The following ZNF207 variants were observed in gnomAD, a reference collection of about 807,000 sequenced individuals.
ZNF207 encodes zinc finger protein 207.
ZNF207 carries 24 observed loss-of-function variants against 60.2 expected under a neutral mutation model. That is an observed-to-expected ratio of 0.40 (90% CI 0.29 to 0.56). The LOEUF (loss-of-function observed/expected upper bound fraction) is 0.56, where lower values mean the gene tolerates loss of function less well. ZNF207 is among the 20% of genes least tolerant of loss of function. The pLI, the probability that ZNF207 is intolerant of heterozygous loss-of-function variation, is 0.49. For missense variants in ZNF207, 452 were observed against 636.6 expected, an observed-to-expected ratio of 0.71 and a Z score of 3.12; for synonymous variants, 236 against 194.7, an observed-to-expected ratio of 1.21 and a Z score of -1.77.
chr17:32,369,155 C>T (rs562453346), intron 10 of ZNF207, 140 bp from the exon 11 acceptor site: 3 of 874,608 alleles, frequency 3.4e-6, no homozygotes, highest in Non-Finnish European at 5.1e-6. Flanking sequence ...ATTGGTTTGT[C>T]TGGCAAAAGT....
At position 32,375,263 on chromosome 17, in the gene ZNF207, A is replaced by G. The variant is rs1905637724; in HGVS notation, c.*5504A>G. 1 of 152,196 alleles carries G rather than the reference A, an allele frequency of 6.6e-6. No homozygotes were observed. The highest frequency in any genetic ancestry group is 2.4e-5 in the African/African-American group (1 of 41,464). 9.4% of individuals were successfully genotyped at this position (152,196 alleles called of 1,614,324 possible). A position where few individuals can be genotyped will look rare whatever the true frequency, so the allele number is the denominator to read the frequency against. ...TGTTGCTTCCATGACAAAATATCCC[A>G]TTGGACTATTTTATAACCTCAGTAA... On this transcript the variant is annotated 3_prime_UTR_variant, in exon 12 of 12. Transcript: ENST00000394670.
intron 2 of ZNF207, among the ~76,000 whole-genome samples, chr17:32,356,002 T>G (rs547924788): frequency 1.1e-4 from 16 of 152,304 alleles, no homozygotes; most frequent in Non-Finnish European, 2.1e-4. Flanking sequence ...GAGTGGAAGC[T>G]TCAAGGTTAG....
In ZNF207 at chr17:32,380,327, T is replaced by C. The variant is rs1324769572; in HGVS notation, c.*10568T>C. The C allele has an allele frequency of 6.6e-6, 1 of 151,228 alleles. No homozygotes were observed. Among genetic ancestry groups the C allele is most frequent in the Non-Finnish European group, 1.5e-5 (1 of 68,006 alleles). The allele number at this position is 151,228 out of a possible 1,614,324, so 9.4% of individuals were successfully genotyped here. ...CGACTTCATGTAGATGTGATTAACA[T>C]TTTTTACAAATTTGCCTGCATAAAG... On this transcript the variant is annotated 3_prime_UTR_variant, in exon 12 of 12. Transcript: ENST00000394670.
chr17:32,366,607 C>A, intron 8 of ZNF207, 58 bp from the exon 9 acceptor site: 2 of 1,450,922 alleles, frequency 1.4e-6, no homozygotes, highest in Non-Finnish European at 1.9e-6. Context: ...TACCACATGG[C>A]TTATTTTGAC....
Position 32,374,031 on chromosome 17 carries a change from G to C in ZNF207, c.*4272G>C, listed in dbSNP as rs1905576630. The C allele has an allele frequency of 6.6e-6, 1 of 151,884 alleles. No homozygotes were observed. Among genetic ancestry groups the C allele is most frequent in the Non-Finnish European group, 1.5e-5 (1 of 68,120 alleles). 9.4% of individuals were successfully genotyped at this position (151,884 alleles called of 1,614,324 possible). A position where few individuals can be genotyped will look rare whatever the true frequency, so the allele number is the denominator to read the frequency against. ...CCTGCCTCAGCCTCCCGAGTAGCTG[G>C]GATTATAGGCTCCCGCCACCACATC... On this transcript the variant is annotated 3_prime_UTR_variant, in exon 12 of 12. Transcript: ENST00000394670.
intron 2 of ZNF207, among the ~76,000 whole-genome samples, chr17:32,355,410 T>C (rs1904448887): frequency 2.0e-5 from 3 of 152,240 alleles, no homozygotes; most frequent in South Asian, 4.1e-4. Context: ...ATTTTGAGCA[T>C]ATGACGAGAT....
intron 7 of ZNF207, among the ~76,000 whole-genome samples, chr17:32,364,327 A>G (rs1422817642): frequency 6.6e-6 from 1 of 151,084 alleles, no homozygotes; most frequent in East Asian, 1.9e-4. Context: ...GGCCAGCAAG[A>G]TGTGCCACAC....
In ZNF207 at chr17:32,369,458, T is replaced by G. The variant is rs376940602; in HGVS notation, c.1324+4T>G. The stretch of plus-strand genomic sequence containing the variant: ...AGACCCCCAATGCCACCTCATGGTA[T>G]TCCTCTTTTTATGTTTTTCATATTT... On this transcript the variant is annotated splice_donor_region_variant and intron_variant, in intron 11 of 11. Transcript: ENST00000394670. The G allele has an allele frequency of 1.4e-5, 23 of 1,612,618 alleles. No homozygotes were observed. In the African/African-American group the frequency reaches 1.6e-4, roughly 11 times the overall value.
chr17:32,379,519 T>C lies in ZNF207; in HGVS notation c.*9760T>C, dbSNP rs1455417413. On this transcript the variant is annotated 3_prime_UTR_variant, in exon 12 of 12. Coordinates refer to ENST00000394670, the MANE Select transcript of ZNF207 (RefSeq NM_001098507.2). ...GAAAGTTCTTAAACATTTTTTTTAG[T>C]TGGCAGCCAAAAGATTTTTCTTAGT... 4 of 152,122 alleles carry C rather than the reference T, an allele frequency of 2.6e-5. No homozygotes were observed. The highest frequency in any genetic ancestry group is 7.2e-5 in the African/African-American group (3 of 41,444). 9.4% of individuals were successfully genotyped at this position (152,122 alleles called of 1,614,324 possible). A position where few individuals can be genotyped will look rare whatever the true frequency, so the allele number is the denominator to read the frequency against.
intron 1 of ZNF207, chr17:32,351,536 A>G (rs879866283): frequency 1.3e-6 from 2 of 1,521,168 alleles, no homozygotes; most frequent in Non-Finnish European, 1.8e-6. Flanking sequence ...CAGGAATTTG[A>G]CAAAGTATAT....
rs577084569 is a variant in ZNF207 at position 32,376,890 on chromosome 17, A to G, written c.*7131A>G. On this transcript the variant is annotated 3_prime_UTR_variant, in exon 12 of 12. Transcript: ENST00000394670. ...TAAGGTAGTAATCTGGCACAGCTTC[A>G]GTAATGTGTGCTGTGTTTGTAAAAA... 1 of 152,056 alleles carries G rather than the reference A, an allele frequency of 6.6e-6. No homozygotes were observed. Among genetic ancestry groups the G allele is most frequent in the Non-Finnish European group, 1.5e-5 (1 of 67,924 alleles). The allele number at this position is 152,056 out of a possible 1,614,324, so 9.4% of individuals were successfully genotyped here. A position where few individuals can be genotyped will look rare whatever the true frequency, so the allele number is the denominator to read the frequency against.
Position 32,378,984 on chromosome 17 carries a change from T to C in ZNF207, c.*9225T>C, listed in dbSNP as rs1446751718. On this transcript the variant is annotated 3_prime_UTR_variant, in exon 12 of 12. Coordinates refer to ENST00000394670, the MANE Select transcript of ZNF207 (RefSeq NM_001098507.2). Reference sequence around the variant, plus strand: ...TCTTGAGCTGGATGGTGATTAGCCATTGTGAAAACAGATTATATGGAAATT... The same window carrying C: ...TCTTGAGCTGGATGGTGATTAGCCACTGTGAAAACAGATTATATGGAAATT... 6.6e-6 allele frequency: 1 copy of C among 152,104 alleles called. No individual in the cohort carries two copies. The highest frequency in any genetic ancestry group is 1.5e-5 in the Non-Finnish European group (1 of 67,950). The allele number at this position is 152,104 out of a possible 1,614,324, so 9.4% of individuals were successfully genotyped here.
chr17:32,356,243 G>C (rs2150789830), intron 2 of ZNF207, among the ~76,000 whole-genome samples: 1 of 152,206 alleles, frequency 6.6e-6, no homozygotes, highest in Admixed American at 6.5e-5. Context: ...ATCTAATTCT[G>C]GCTGTACCAT....
rs960989664 is a variant in ZNF207 at position 32,378,264 on chromosome 17, G to GT, written c.*8507dup. ...GACAGTTTCAGTTGGCTATGCCCTT[G>GT]TTGATAGATGATATGGAGTCCAGGG... On this transcript the variant is annotated 3_prime_UTR_variant, in exon 12 of 12. Coordinates refer to ENST00000394670, the MANE Select transcript of ZNF207 (RefSeq NM_001098507.2). The GT allele has an allele frequency of 6.6e-6, 1 of 152,016 alleles. No individual in the cohort carries two copies. The highest frequency in any genetic ancestry group is 1.5e-5 in the Non-Finnish European group (1 of 67,910). The allele number at this position is 152,016 out of a possible 1,614,324, so 9.4% of individuals were successfully genotyped here. A position where few individuals can be genotyped will look rare whatever the true frequency, so the allele number is the denominator to read the frequency against.
At chr17:32,369,547 A>T (rs1472100684) in intron 11 of ZNF207, 52 bp from the exon 12 acceptor site, 42 of 1,582,012 alleles carry the variant, frequency 2.7e-5, no homozygotes, top group Non-Finnish European at 3.6e-5. Flanking sequence ...TGCACTTAAA[A>T]GTACAATGCG....
Position 32,379,946 on chromosome 17 carries a change from C to A in ZNF207, c.*10187C>A, listed in dbSNP as rs1404887347. The A allele has an allele frequency of 1.3e-5, 2 of 152,146 alleles. No homozygotes were observed. The highest frequency in any genetic ancestry group is 2.9e-5 in the Non-Finnish European group (2 of 68,014). The allele number at this position is 152,146 out of a possible 1,614,324, so 9.4% of individuals were successfully genotyped here. A position where few individuals can be genotyped will look rare whatever the true frequency, so the allele number is the denominator to read the frequency against. On this transcript the variant is annotated 3_prime_UTR_variant, in exon 12 of 12. Transcript: ENST00000394670. ...CCAGCATATGCTAAGAATGTTTTTA[C>A]ATTCTGTTTCCTCCTGTGATCTTTC...
intron 1 of ZNF207, 124 bp downstream of exon 1, chr17:32,350,450 C>T (rs904218314): frequency 1.5e-6 from 2 of 1,307,848 alleles, no homozygotes; most frequent in African/African-American, 1.5e-5. Flanking sequence ...CGTGGGTGGC[C>T]TGGTGGCTGG....
chr17:32,365,567 C>T (rs1350133030), intron 8 of ZNF207, 80 bp downstream of exon 8: 2 of 1,336,012 alleles, frequency 1.5e-6, no homozygotes, highest in Admixed American at 6.9e-5. Context: ...TTGAAATTTT[C>T]ATAGGTCAAT....
In ZNF207 at chr17:32,369,470, T is replaced by C. The variant is rs2150804125; in HGVS notation, c.1324+16T>C. On this transcript the variant is annotated intron_variant, in intron 11 of 11. Coordinates refer to ENST00000394670, the MANE Select transcript of ZNF207 (RefSeq NM_001098507.2). ...CCACCTCATGGTATTCCTCTTTTTA[T>C]GTTTTTCATATTTAGTGGATTTTCT... 1.2e-6 allele frequency: 2 copies of C among 1,611,284 alleles called. No individual in the cohort carries two copies. Among genetic ancestry groups the C allele is most frequent in the African/African-American group, 1.3e-5 (1 of 74,970 alleles).
Sources: allele counts gnomAD v4.1 joint callset (sites outside exome capture counted in the v4.1 genomes callset), GRCh38; gene constraint gnomAD v4.1.1; transcripts MANE v1.5; gene names NCBI Gene and HGNC (gene_info 2026-07-23, HGNC 2026-07-21).